The following CSMD1 variants were observed in gnomAD, a reference collection of about 807,000 sequenced individuals.
The protein encoded by CSMD1 is CUB and sushi domain-containing protein 1.
Under a neutral mutation model 417.5 loss-of-function variants are expected in CSMD1, and 213 were observed. The observed-to-expected ratio is 0.51, with a 90% CI of 0.46 to 0.57. The LOEUF (loss-of-function observed/expected upper bound fraction) is 0.57, where lower values mean the gene tolerates loss of function less well. Ranked by LOEUF, CSMD1 falls within the 20% of genes least tolerant of loss-of-function variation. The pLI, the probability that CSMD1 is intolerant of heterozygous loss-of-function variation, is 0.00. For missense variants in CSMD1, 6,923 were observed against 4,529.7 expected, an observed-to-expected ratio of 1.53 and a Z score of -15.17; for synonymous variants, 2,862 against 1,736.8, an observed-to-expected ratio of 1.65 and a Z score of -16.11.
chr8:4,114,939 C>T (rs1327759682), intron 3 of CSMD1, among the ~76,000 whole-genome samples: 5 of 152,132 alleles, frequency 3.3e-5, no homozygotes, highest in Non-Finnish European at 4.4e-5. Flanking sequence ...ACAATCTACT[C>T]CTGGTAAAGA....
chr8:3,162,104 G>A (rs1387035890), intron 38 of CSMD1, 55 bp downstream of exon 38: 3 of 1,149,138 alleles, frequency 2.6e-6, no homozygotes, highest in Non-Finnish European at 3.9e-6. Flanking sequence ...CTTTAAGAGA[G>A]CTGCACAAAG....
At chr8:3,411,785 TATATATACAC>T in intron 12 of CSMD1, among the ~76,000 whole-genome samples, 1 of 120,052 alleles carries the variant, frequency 8.3e-6, no homozygotes, top group African/African-American at 3.3e-5. Context: ...TATATACCTG[TATATATACAC>T]GTATATATAC....
At chr8:3,957,032 A>G (rs143943635) in intron 5 of CSMD1, among the ~76,000 whole-genome samples, 203 of 152,296 alleles carry the variant, frequency 1.3e-3, no homozygotes, top group African/African-American at 4.6e-3. Flanking sequence ...TGACAGGCCT[A>G]TCTCAGAAGG....
At position 4,165,737 on chromosome 8, in the gene CSMD1, G is replaced by C. The variant is rs949401753; in HGVS notation, c.416-133638C>G. On this transcript the variant is annotated intron_variant, in intron 3 of 69. Coordinates refer to ENST00000635120, the MANE Select transcript of CSMD1 (RefSeq NM_033225.6). ...TTTTTATTACAAGTTTAATCACTAA[G>C]CATCTCATCATTTCTTCCTGGTCAT... Among the ~76,000 whole-genome samples, 4 of 152,226 alleles carry C rather than the reference G, an allele frequency of 2.6e-5. 1 individual carries two copies. The highest frequency in any genetic ancestry group is 3.9e-4 in the East Asian group (2 of 5,166).
intron 30 of CSMD1, among the ~76,000 whole-genome samples, chr8:3,207,484 G>T (rs1470703145): frequency 6.6e-6 from 1 of 152,016 alleles, no homozygotes; most frequent in Non-Finnish European, 1.5e-5. Context: ...AGAAGTTAGA[G>T]ATAACATGTT....
chr8:4,925,090 T>C (rs1200163183), intron 1 of CSMD1, among the ~76,000 whole-genome samples: 1 of 152,184 alleles, frequency 6.6e-6, no homozygotes, highest in African/African-American at 2.4e-5. Context: ...TTTGAATATA[T>C]TATGACAGAA....
chr8:3,806,964 T>A (rs1288194226), intron 5 of CSMD1, among the ~76,000 whole-genome samples: 1 of 152,132 alleles, frequency 6.6e-6, no homozygotes, highest in Non-Finnish European at 1.5e-5. Flanking sequence ...CTGCTTAATC[T>A]GATGATTTAT....
chr8:3,701,717 T>C (rs762471681), intron 7 of CSMD1, among the ~76,000 whole-genome samples: 3 of 152,176 alleles, frequency 2.0e-5, no homozygotes, highest in Non-Finnish European at 4.4e-5. Context: ...CAAAAGACAA[T>C]CCAAACACTC....
At chr8:3,974,106 T>G (rs563219816) in intron 5 of CSMD1, among the ~76,000 whole-genome samples, 1 of 152,272 alleles carries the variant, frequency 6.6e-6, no homozygotes, top group East Asian at 1.9e-4. Context: ...TTCTAATTAC[T>G]TTTTGTACCC....
intron 7 of CSMD1, among the ~76,000 whole-genome samples, chr8:3,699,789 T>C (rs961768793): frequency 6.6e-6 from 1 of 152,026 alleles, no homozygotes; most frequent in Non-Finnish European, 1.5e-5. Context: ...AGTGAAGATG[T>C]GAAATATAAA....
intron 42 of CSMD1, among the ~76,000 whole-genome samples, chr8:3,110,914 A>C (rs1816474435): frequency 6.6e-6 from 1 of 152,260 alleles, no homozygotes; most frequent in South Asian, 2.1e-4. Flanking sequence ...GAACTAAAAC[A>C]ATACCCAATT....
chr8:4,143,854 C>A (rs1309385551), intron 3 of CSMD1, among the ~76,000 whole-genome samples: 1 of 151,006 alleles, frequency 6.6e-6, no homozygotes, highest in East Asian at 1.9e-4. Flanking sequence ...ATTTTGAGGT[C>A]CCTCTCAGTT....
At chr8:4,076,424 T>G (rs13264206) in intron 3 of CSMD1, among the ~76,000 whole-genome samples, 1 of 152,200 alleles carries the variant, frequency 6.6e-6, no homozygotes, top group African/African-American at 2.4e-5. Context: ...ACAATAAGCA[T>G]AGACTTTCTC....
At chr8:3,094,193 C>T (rs1043583162) in intron 47 of CSMD1, among the ~76,000 whole-genome samples, 10 of 151,910 alleles carry the variant, frequency 6.6e-5, no homozygotes, top group Non-Finnish European at 1.3e-4. Context: ...GCAACCTTTG[C>T]CTCCTGGGCT....
At chr8:3,773,609 C>A (rs908364856) in intron 5 of CSMD1, among the ~76,000 whole-genome samples, 4 of 152,124 alleles carry the variant, frequency 2.6e-5, no homozygotes, top group Non-Finnish European at 5.9e-5. Context: ...TTAGTGAAGA[C>A]AAAGTAAGTC....
At chr8:3,138,703 G>C (rs1283463216) in intron 41 of CSMD1, among the ~76,000 whole-genome samples, 1 of 152,204 alleles carries the variant, frequency 6.6e-6, no homozygotes, top group Non-Finnish European at 1.5e-5. Flanking sequence ...CAAGAGCTCT[G>C]AGGTAGAAAG....
At chr8:3,954,262 A>G (rs536467564) in intron 5 of CSMD1, among the ~76,000 whole-genome samples, 1 of 152,338 alleles carries the variant, frequency 6.6e-6, no homozygotes, top group Admixed American at 6.5e-5. Flanking sequence ...TTTATTTTAA[A>G]AGACCTTAGA....
At chr8:3,060,700 T>A (rs762335639) in intron 49 of CSMD1, among the ~76,000 whole-genome samples, 3 of 152,198 alleles carry the variant, frequency 2.0e-5, no homozygotes, top group Non-Finnish European at 4.4e-5. Context: ...GCCCCCATCA[T>A]GCTTTGAATG....
rs559004386 is a variant in CSMD1 at position 3,004,452 on chromosome 8, T to C, written c.8030-4321A>G. 3.9e-5 allele frequency among the ~76,000 whole-genome samples: 6 copies of C among 152,280 alleles called. No homozygotes were observed. In the East Asian group the frequency reaches 1.2e-3, roughly 29 times the overall value. On this transcript the variant is annotated intron_variant, in intron 52 of 69. Transcript: ENST00000635120. ...GTGACCCACTTTACTCTTAAATCAA[T>C]CTTCTGCGTGAATTTATTAGTCTAC...
Sources: gnomAD v4.1 joint callset for allele counts (sites outside exome capture counted in the v4.1 genomes callset) on GRCh38, gnomAD v4.1.1 for gene constraint, MANE v1.5 for transcripts, NCBI Gene and HGNC (gene_info 2026-07-23, HGNC 2026-07-21) for gene names.